RBFOX1: variants seen among roughly 807,000 people sequenced by gnomAD.
The protein encoded by RBFOX1 is RNA binding protein fox-1 homolog 1.
Under a neutral mutation model 57.7 loss-of-function variants are expected in RBFOX1, and 8 were observed. The observed-to-expected ratio is 0.14, with a 90% CI of 0.08 to 0.25. The LOEUF is 0.25. Among genes scored for constraint, RBFOX1 ranks in the 10% least tolerant of loss-of-function variants. The probability of loss-of-function intolerance (pLI) is 1.00; values close to 1 mark genes in which losing one functional copy is unlikely to be tolerated. For missense variants in RBFOX1, 611 were observed against 548.5 expected (o/e 1.11, Z -1.14); for synonymous variants, 326 against 222.4 (o/e 1.47, Z -4.15).
At chr16:5,336,913 G>A (rs140390088) in intron 1 of RBFOX1, among the ~76,000 whole-genome samples, 29 of 152,330 alleles carry the variant, frequency 1.9e-4, no homozygotes, top group African/African-American at 6.5e-4. Context: ...GGGGACACAA[G>A]AGCTACCTTC....
At chr16:6,378,217 C>T (rs930363145) in intron 2 of RBFOX1, among the ~76,000 whole-genome samples, 44 of 152,216 alleles carry the variant, frequency 2.9e-4, no homozygotes, top group African/African-American at 1.0e-3. Context: ...TCCCTGCAGC[C>T]TTTGAGCTCC....
chr16:7,687,209 T>A (rs1375578857), intron 14 of RBFOX1, among the ~76,000 whole-genome samples: 1 of 151,952 alleles, frequency 6.6e-6, no homozygotes, highest in Non-Finnish European at 1.5e-5. Context: ...CTAAACTGAA[T>A]AAAAGTGACA....
intron 1 of RBFOX1, among the ~76,000 whole-genome samples, chr16:6,239,905 C>T (rs1004062177): frequency 6.6e-5 from 10 of 152,222 alleles, no homozygotes; most frequent in South Asian, 2.1e-4. Context: ...TAGTTGTCCC[C>T]GCCCATATCT....
intron 4 of RBFOX1, among the ~76,000 whole-genome samples, chr16:5,881,774 A>G (rs1054747145): frequency 7.9e-5 from 12 of 152,176 alleles, no homozygotes; most frequent in African/African-American, 2.9e-4. Flanking sequence ...CATACGCACT[A>G]TTTCACTTAA....
At chr16:6,307,958 T>A (rs2152755786) in intron 1 of RBFOX1, among the ~76,000 whole-genome samples, 1 of 148,666 alleles carries the variant, frequency 6.7e-6, no homozygotes, top group African/African-American at 2.4e-5. Context: ...GTTATTTACA[T>A]ATTATAAACT....
chr16:6,847,377 G>A (rs192607201), intron 3 of RBFOX1, among the ~76,000 whole-genome samples: 36 of 152,212 alleles, frequency 2.4e-4, no homozygotes, highest in African/African-American at 7.5e-4. Flanking sequence ...TCTGCCCTAT[G>A]TGTGCACATT....
chr16:6,640,175 G>A (rs1478678475), intron 2 of RBFOX1, among the ~76,000 whole-genome samples: 1 of 152,072 alleles, frequency 6.6e-6, no homozygotes, highest in East Asian at 1.9e-4. Flanking sequence ...TTCAAATGCA[G>A]CTTATTGAAT....
At chr16:6,534,614 A>G (rs1314204893) in intron 2 of RBFOX1, among the ~76,000 whole-genome samples, 1 of 152,180 alleles carries the variant, frequency 6.6e-6, no homozygotes, top group African/African-American at 2.4e-5. Context: ...GATTTACACT[A>G]ATCGTCACAA....
At position 5,738,027 on chromosome 16, in the gene RBFOX1, A is replaced by G. The variant is rs1383044009; in HGVS notation, c.319-129276A>G. 3.9e-5 allele frequency among the ~76,000 whole-genome samples: 5 copies of G among 128,388 alleles called. No homozygotes were observed. In the South Asian group the frequency reaches 1.4e-3, roughly 35 times the overall value. 84.2% of individuals were successfully genotyped at this position (128,388 alleles called of 152,430 possible). Reference sequence around the variant, plus strand: ...CCCTTGCCCCCCACCCCCTCCAGGCACCAGTGTGTGATGTTCCCCTTCCCT... The same window carrying G: ...CCCTTGCCCCCCACCCCCTCCAGGCGCCAGTGTGTGATGTTCCCCTTCCCT... On this transcript the variant is annotated intron_variant, in intron 3 of 19. Transcript: ENST00000641259.
At chr16:5,289,378 G>A (rs1470559826) in intron 1 of RBFOX1, 1 of 392,526 alleles carries the variant, frequency 2.5e-6, no homozygotes, top group South Asian at 3.5e-5. Context: ...TGGCATCATG[G>A]GAGGGCCCCC....
chr16:5,749,038 C>T (rs927554901), intron 3 of RBFOX1, among the ~76,000 whole-genome samples: 1 of 152,126 alleles, frequency 6.6e-6, no homozygotes, highest in East Asian at 1.9e-4. Context: ...TGAGTGCTTC[C>T]TTCAGGAGCT....
chr16:5,364,607 A>G (rs1427510212), intron 1 of RBFOX1, among the ~76,000 whole-genome samples: 1 of 152,170 alleles, frequency 6.6e-6, no homozygotes, highest in African/African-American at 2.4e-5. Flanking sequence ...CTCCCTAATG[A>G]ATTTTTTACA....
chr16:6,866,646 A>G (rs532323456), intron 3 of RBFOX1, among the ~76,000 whole-genome samples: 1 of 140,818 alleles, frequency 7.1e-6, no homozygotes, highest in African/African-American at 2.7e-5. Flanking sequence ...GGTTCACGCC[A>G]TTCTCCTGCC....
intron 1 of RBFOX1, among the ~76,000 whole-genome samples, chr16:6,064,511 C>CATA (rs2095732900): frequency 6.6e-6 from 1 of 152,134 alleles, no homozygotes; most frequent in South Asian, 2.1e-4. Context: ...TTTCTTTTCA[C>CATA]ATAGGCAGAA....
intron 4 of RBFOX1, among the ~76,000 whole-genome samples, chr16:7,307,783 T>G (rs1469060068): frequency 6.6e-6 from 1 of 152,206 alleles, no homozygotes; most frequent in East Asian, 1.9e-4. Flanking sequence ...AGCATATATT[T>G]TGTGGTTGTC....
chr16:6,723,618 T>G (rs1248144130), intron 3 of RBFOX1: 4 of 152,184 alleles, frequency 2.6e-5, no homozygotes, highest in Admixed American at 2.6e-4. Flanking sequence ...CTGTTGTATA[T>G]TGTGATCTTT....
rs549762566 is a variant in RBFOX1 at position 6,224,612 on chromosome 16, G to A, written c.-126-92383G>A. ...GTGAACTGATTCACCTGCTAGGTCTGCGTATTTCTGCTTCATATGTACCAC... is the reference window on the plus strand; with the variant it reads ...GTGAACTGATTCACCTGCTAGGTCTACGTATTTCTGCTTCATATGTACCAC... On this transcript the variant is annotated intron_variant, in intron 1 of 15. Transcript: ENST00000550418. Among the ~76,000 whole-genome samples the A allele has an allele frequency of 2.6e-5, 4 of 152,246 alleles. No homozygotes were observed. The East Asian group carries it at 7.7e-4, about 29-fold the overall frequency.
At position 7,567,587 on chromosome 16, in the gene RBFOX1, A is replaced by G. The variant is rs1219457638; in HGVS notation, c.271-12190A>G. Reference sequence around the variant, plus strand: ...GCCCTATATATATATATCCCTATATATGGCCCTATATATATATCCCTTTAT... The same window carrying G: ...GCCCTATATATATATATCCCTATATGTGGCCCTATATATATATCCCTTTAT... On this transcript the variant is annotated intron_variant, in intron 5 of 15. Transcript: ENST00000550418. 5.3e-5 allele frequency among the ~76,000 whole-genome samples: 5 copies of G among 93,848 alleles called. No homozygotes were observed. In the East Asian group the frequency reaches 1.1e-3, roughly 20 times the overall value. The allele number at this position is 93,848 out of a possible 152,430, so 61.6% of individuals were successfully genotyped here.
At chr16:5,628,123 T>TA (rs1280971619) in intron 3 of RBFOX1, among the ~76,000 whole-genome samples, 2 of 152,162 alleles carry the variant, frequency 1.3e-5, no homozygotes, top group Non-Finnish European at 2.9e-5. Flanking sequence ...GTTGTACAGT[T>TA]AGAGTTTTGG....
Sources: allele counts gnomAD v4.1 joint callset (sites outside exome capture counted in the v4.1 genomes callset), GRCh38; gene constraint gnomAD v4.1.1; transcripts MANE v1.5; gene names NCBI Gene and HGNC (gene_info 2026-07-23, HGNC 2026-07-21).